LRRC7: variants seen among roughly 807,000 people sequenced by gnomAD.
LRRC7 encodes leucine rich repeat containing 7, also known as leucine-rich repeat-containing protein 7.
Under a neutral mutation model 175.7 loss-of-function variants are expected in LRRC7, and 23 were observed. That is an observed-to-expected ratio of 0.13 (90% CI 0.09 to 0.19). The LOEUF is 0.19. Among genes scored for constraint, LRRC7 ranks in the 10% least tolerant of loss-of-function variants. The pLI is 1.00. For synonymous variants in LRRC7, 685 were observed against 680.9 expected (o/e 1.01, Z -0.09); for missense variants, 1,354 against 1,904.7 (o/e 0.71, Z 5.38).
At chr1:70,044,629 C>A (rs1205034935) in intron 22 of LRRC7, among the ~76,000 whole-genome samples, 1 of 152,038 alleles carries the variant, frequency 6.6e-6, no homozygotes, top group African/African-American at 2.4e-5. Context: ...ATATGAGAAA[C>A]AAGTTTGTGG....
At chr1:69,960,652 G>C (rs1650970863) in intron 8 of LRRC7, among the ~76,000 whole-genome samples, 2 of 150,582 alleles carry the variant, frequency 1.3e-5, no homozygotes, top group South Asian at 4.2e-4. Flanking sequence ...ACATTGCTTT[G>C]GCTGTGTCCC....
intron 7 of LRRC7, among the ~76,000 whole-genome samples, chr1:69,872,180 T>C (rs1333533229): frequency 6.6e-6 from 1 of 152,006 alleles, no homozygotes; most frequent in Non-Finnish European, 1.5e-5. Context: ...AACGTTTAAA[T>C]TAGTACAAGT....
At chr1:69,680,612 T>C (rs187900867) in intron 2 of LRRC7, among the ~76,000 whole-genome samples, 2 of 151,534 alleles carry the variant, frequency 1.3e-5, no homozygotes, top group Admixed American at 1.3e-4. Context: ...CCCCTGTTAG[T>C]ACAATGAGCA....
chr1:69,824,775 T>A (rs1187178028), intron 4 of LRRC7, among the ~76,000 whole-genome samples: 2 of 152,168 alleles, frequency 1.3e-5, no homozygotes, highest in African/African-American at 4.8e-5. Flanking sequence ...CTTATCCTTC[T>A]GTCAGATATG....
At chr1:69,940,232 AAGCAGACTC>A (rs1648570426) in intron 8 of LRRC7, among the ~76,000 whole-genome samples, 1 of 152,122 alleles carries the variant, frequency 6.6e-6, no homozygotes, top group East Asian at 1.9e-4. Flanking sequence ...TGGCTTTAAT[AAGCAGACTC>A]CACTGTCATA....
chr1:69,697,333 C>T (rs1366090242), intron 2 of LRRC7, among the ~76,000 whole-genome samples: 1 of 152,174 alleles, frequency 6.6e-6, no homozygotes, highest in East Asian at 1.9e-4. Flanking sequence ...CTCTTCATAG[C>T]CTTTAAGTGT....
chr1:69,977,892 C>A lies in LRRC7; in HGVS notation c.712-2487C>A, dbSNP rs775936082. ...TTTGTTAAAATAACATAATCTAATC[C>A]ACCCTGAATAATAATAATGTTTACA... On this transcript the variant is annotated intron_variant, in intron 8 of 26. Coordinates refer to ENST00000651989, the MANE Select transcript of LRRC7 (RefSeq NM_001370785.2). Among the ~76,000 whole-genome samples the A allele has an allele frequency of 5.3e-5, 8 of 152,150 alleles. 1 individual carries two copies. The highest frequency in any genetic ancestry group is 8.8e-5 in the Non-Finnish European group (6 of 68,028).
At chr1:70,018,638 A>G (rs1657168726) in intron 14 of LRRC7, 81 bp from the exon 15 acceptor site, 2 of 833,444 alleles carry the variant, frequency 2.4e-6, no homozygotes, top group Non-Finnish European at 3.7e-6. Context: ...CCCAATGTTT[A>G]TTTATCTGAG....
chr1:69,581,848 A>G (rs1646214885), intron 1 of LRRC7, among the ~76,000 whole-genome samples: 1 of 152,112 alleles, frequency 6.6e-6, no homozygotes, highest in Non-Finnish European at 1.5e-5. Flanking sequence ...ACAGTTTGGA[A>G]GGGCAATTTA....
intron 7 of LRRC7, among the ~76,000 whole-genome samples, chr1:69,865,550 T>G (rs1424796083): frequency 2.2e-5 from 3 of 137,248 alleles, no homozygotes; most frequent in South Asian, 2.4e-4. Flanking sequence ...GCCCGATCTC[T>G]GCTCACTGCA....
chr1:70,020,216 C>A (rs1355041964), intron 15 of LRRC7, among the ~76,000 whole-genome samples: 1 of 151,846 alleles, frequency 6.6e-6, no homozygotes, highest in Non-Finnish European at 1.5e-5. Flanking sequence ...TGATAAAGGA[C>A]CTCCTTTGGA....
Position 69,821,592 on chromosome 1 carries a change from A to C in LRRC7, c.422-4156A>C, listed in dbSNP as rs147925230. 4.6e-3 allele frequency among the ~76,000 whole-genome samples: 698 copies of C among 152,046 alleles called. 5 individuals carry two copies. Among genetic ancestry groups the C allele is most frequent in the African/African-American group, 0.016 (648 of 41,484 alleles). ...CAATTAATGGAGCTTCATTTCTTTC[A>C]GTTTGGTTACTAGAAAATTGTGTTC... On this transcript the variant is annotated intron_variant, in intron 4 of 26. Coordinates refer to ENST00000651989, the MANE Select transcript of LRRC7 (RefSeq NM_001370785.2).
chr1:69,900,674 A>T (rs1015451862), intron 7 of LRRC7, among the ~76,000 whole-genome samples: 1 of 152,174 alleles, frequency 6.6e-6, no homozygotes, highest in Non-Finnish European at 1.5e-5. Flanking sequence ...TCAAAATCCA[A>T]ATTCTGAAAT....
At chr1:69,807,318 GTGTATT>G (rs1349009177) in intron 4 of LRRC7, among the ~76,000 whole-genome samples, 1 of 151,990 alleles carries the variant, frequency 6.6e-6, no homozygotes, top group Non-Finnish European at 1.5e-5. Context: ...ATTGTTATGT[GTGTATT>G]TGGTCCTGTC....
chr1:69,857,888 G>A (rs1347095036), intron 7 of LRRC7, among the ~76,000 whole-genome samples: 6 of 152,104 alleles, frequency 3.9e-5, no homozygotes, highest in South Asian at 2.1e-4. Context: ...AACCAAAACA[G>A]CATGGTACTC....
At position 70,101,360 on chromosome 1, in the gene LRRC7, C is replaced by G. The variant is rs575313015; in HGVS notation, c.4546-6392C>G. ...CCAATTTCTCAGCATCAGCTAGAGC[C>G]AAGACTTTTCAGAATTTTAAGGAAA... On this transcript the variant is annotated intron_variant, in intron 25 of 26. Coordinates refer to ENST00000651989, the MANE Select transcript of LRRC7 (RefSeq NM_001370785.2). Among the ~76,000 whole-genome samples the G allele has an allele frequency of 2.0e-5, 3 of 152,244 alleles. No homozygotes were observed. In the East Asian group the frequency reaches 5.8e-4, roughly 29 times the overall value.
chr1:69,713,332 G>GTA (rs202118608), intron 2 of LRRC7, among the ~76,000 whole-genome samples: 38 of 149,906 alleles, frequency 2.5e-4, no homozygotes, highest in Admixed American at 4.0e-4. Flanking sequence ...AAAAAAAAAT[G>GTA]TATATATATA....
intron 7 of LRRC7, among the ~76,000 whole-genome samples, chr1:69,930,360 G>T (rs1047366074): frequency 6.6e-6 from 1 of 152,068 alleles, no homozygotes; most frequent in Non-Finnish European, 1.5e-5. Context: ...GTTCATAAAA[G>T]CCCTATAAGG....
chr1:70,081,065 T>C (rs1419230502), intron 24 of LRRC7, among the ~76,000 whole-genome samples: 5 of 152,184 alleles, frequency 3.3e-5, no homozygotes, highest in Admixed American at 6.5e-5. Flanking sequence ...GATGTCTTGC[T>C]CTCATCCCCA....
Sources: gnomAD v4.1 joint callset for allele counts (sites outside exome capture counted in the v4.1 genomes callset) on GRCh38, gnomAD v4.1.1 for gene constraint, MANE v1.5 for transcripts, NCBI Gene and HGNC (gene_info 2026-07-23, HGNC 2026-07-21) for gene names.